The following LAMA3 variants were observed in gnomAD, a reference collection of about 807,000 sequenced individuals.
LAMA3 encodes the protein laminin subunit alpha-3.
In LAMA3, 281 loss-of-function variants were observed where a neutral mutation model predicts 402.0. The observed-to-expected ratio is 0.70, with a 90% CI of 0.63 to 0.77. The LOEUF is 0.77. Among genes scored for constraint, LAMA3 ranks in the 30% least tolerant of loss-of-function variants. The pLI is 0.00. For missense variants in LAMA3, 3,840 were observed against 4,215.5 expected (o/e 0.91, Z 2.47); for synonymous variants, 1,431 against 1,558.4 (o/e 0.92, Z 1.93).
At chr18:23,850,846 C>T (rs1226351616) in intron 32 of LAMA3, among the ~76,000 whole-genome samples, 1 of 152,108 alleles carries the variant, frequency 6.6e-6, no homozygotes, top group East Asian at 1.9e-4. Flanking sequence ...GCTGGAGATC[C>T]CTGGTAGTAA....
intron 39 of LAMA3, among the ~76,000 whole-genome samples, chr18:23,878,333 G>A (rs778274033): frequency 6.6e-6 from 1 of 152,110 alleles, no homozygotes; most frequent in Non-Finnish European, 1.5e-5. Context: ...TGTCCCTAAT[G>A]GCCATGTGGC....
At chr18:23,934,266 T>G (rs1025344413) in intron 67 of LAMA3, among the ~76,000 whole-genome samples, 4 of 152,208 alleles carry the variant, frequency 2.6e-5, no homozygotes, top group African/African-American at 9.7e-5. Flanking sequence ...ATAAGGGCCA[T>G]GCTCCTCTTC....
intron 35 of LAMA3, among the ~76,000 whole-genome samples, chr18:23,863,610 T>C (rs1194912684): frequency 6.6e-6 from 1 of 152,214 alleles, no homozygotes; most frequent in African/African-American, 2.4e-5. Context: ...ACTTCCAGGC[T>C]TGAAGATCAA....
intron 12 of LAMA3, among the ~76,000 whole-genome samples, chr18:23,787,965 A>G (rs985175262): frequency 1.3e-5 from 2 of 152,186 alleles, no homozygotes; most frequent in Non-Finnish European, 2.9e-5. Flanking sequence ...CGAACTGTAT[A>G]TACAAATACA....
At chr18:23,815,907 T>G (rs2063166636) in intron 17 of LAMA3, among the ~76,000 whole-genome samples, 1 of 152,168 alleles carries the variant, frequency 6.6e-6, no homozygotes, top group South Asian at 2.1e-4. Context: ...AGCATCAGAT[T>G]TTTAGAGACA....
chr18:23,757,410 A>C, intron 6 of LAMA3, among the ~76,000 whole-genome samples: 1 of 148,210 alleles, frequency 6.7e-6, no homozygotes, highest in South Asian at 2.1e-4. Context: ...CCGGATTCCC[A>C]CCTCTAACCC....
intron 32 of LAMA3, among the ~76,000 whole-genome samples, chr18:23,850,103 G>A (rs1292144833): frequency 6.6e-6 from 1 of 152,166 alleles, no homozygotes; most frequent in East Asian, 1.9e-4. Flanking sequence ...TAAAGCTCAT[G>A]TAAAAGAAAT....
intron 2 of LAMA3, among the ~76,000 whole-genome samples, chr18:23,736,085 A>G (rs1360044785): frequency 6.6e-6 from 1 of 151,920 alleles, no homozygotes; most frequent in Non-Finnish European, 1.5e-5. Context: ...CTTTATACAG[A>G]CAAGTGTAGT....
chr18:23,878,561 C>T lies in LAMA3; in HGVS notation c.5112+2154C>T, dbSNP rs1020356455. ...CTCAGCTAACGGCTCCGTGGCAAGTCCTGAGTGCTGATGCTGCCCTGAATT... is the reference window on the plus strand; with the variant it reads ...CTCAGCTAACGGCTCCGTGGCAAGTTCTGAGTGCTGATGCTGCCCTGAATT... On this transcript the variant is annotated intron_variant, in intron 39 of 74. Transcript: ENST00000313654. 5.9e-5 allele frequency among the ~76,000 whole-genome samples: 9 copies of T among 152,204 alleles called. No homozygotes were observed. In the South Asian group the frequency reaches 1.9e-3, roughly 31 times the overall value.
chr18:23,834,269 T>G lies in LAMA3; in HGVS notation c.2984+281T>G, dbSNP rs116994411. The G allele has an allele frequency of 1.4e-3, 587 of 416,536 alleles. 1 individual carries two copies. The highest frequency in any genetic ancestry group is 2.1e-3 in the Non-Finnish European group (455 of 220,768). 25.8% of individuals were successfully genotyped at this position (416,536 alleles called of 1,614,324 possible). A position where few individuals can be genotyped will look rare whatever the true frequency, so the allele number is the denominator to read the frequency against. On this transcript the variant is annotated intron_variant, in intron 24 of 74. Transcript: ENST00000313654. Reference sequence around the variant, plus strand: ...GGCACAGCACAACCTTTTTATTTGATTCTCTATCACTCAGGTGCGATGCAA... The same window carrying G: ...GGCACAGCACAACCTTTTTATTTGAGTCTCTATCACTCAGGTGCGATGCAA...
intron 1 of LAMA3, among the ~76,000 whole-genome samples, chr18:23,713,237 A>G (rs1041111458): frequency 1.3e-5 from 2 of 152,182 alleles, no homozygotes; most frequent in African/African-American, 4.8e-5. Context: ...TTGTCTCTCA[A>G]TGCTTGCCCT....
In LAMA3 at chr18:23,815,488, C is replaced by T. The variant is rs1381763132; in HGVS notation, c.1962C>T (p.Cys654=). ...ECRQGDGDCH[C]KSHVGGDSCD... ...TGCAGGGAGATGGTGACTGTCACTG[C>T]AAGTCCCATGTGGGTGGCGATTCCT... The change falls in exon 17 of 75, where the codon TGC becomes TGT. Residue 654 remains cysteine, a synonymous_variant. Transcript: ENST00000313654. The T allele has an allele frequency of 2.5e-6, 4 of 1,613,944 alleles. No individual in the cohort carries two copies. The highest frequency in any genetic ancestry group is 3.4e-6 in the Non-Finnish European group (4 of 1,179,820).
chr18:23,692,492 G>C (rs1420495171), intron 1 of LAMA3, among the ~76,000 whole-genome samples: 4 of 152,050 alleles, frequency 2.6e-5, no homozygotes, highest in African/African-American at 9.7e-5. Flanking sequence ...GGCTGGTCTC[G>C]AACTACTGAC....
At chr18:23,722,109 C>A (rs1187158967) in intron 2 of LAMA3, among the ~76,000 whole-genome samples, 1 of 152,206 alleles carries the variant, frequency 6.6e-6, no homozygotes, top group Non-Finnish European at 1.5e-5. Context: ...TCCTGCAAGA[C>A]CTATGCTATG....
rs760876808 is a variant in LAMA3, at chr18:23,946,124, G to C, written c.9211-20G>C. 2 of 1,611,834 alleles carry C rather than the reference G, an allele frequency of 1.2e-6. No homozygotes were observed. Among genetic ancestry groups the C allele is most frequent in the Non-Finnish European group, 1.7e-6 (2 of 1,178,002 alleles). On this transcript the variant is annotated intron_variant, in intron 69 of 74. Coordinates refer to ENST00000313654, the MANE Select transcript of LAMA3 (RefSeq NM_198129.4). ...TGTCAAAGGTAAAAATACAACTCAC[G>C]TATCTTTCTTACTCTGAAGGTGGTG... is the stretch of plus-strand genomic sequence containing the variant.
At chr18:23,834,279 C>T (rs2063541615) in intron 24 of LAMA3, 7 of 396,362 alleles carry the variant, frequency 1.8e-5, no homozygotes, top group Non-Finnish European at 2.9e-5. Context: ...TTCTCTATCA[C>T]TCAGGTGCGA....
intron 2 of LAMA3, among the ~76,000 whole-genome samples, chr18:23,717,859 G>A (rs1001527185): frequency 6.6e-6 from 1 of 150,924 alleles, no homozygotes; most frequent in Admixed American, 6.6e-5. Context: ...ATGAGTCACC[G>A]TGCCTGGTCC....
intron 38 of LAMA3, among the ~76,000 whole-genome samples, chr18:23,874,816 GAT>G (rs773592878): frequency 6.6e-6 from 1 of 152,206 alleles, no homozygotes; most frequent in Non-Finnish European, 1.5e-5. Context: ...ATGCTTTCAA[GAT>G]AGGGTATATA....
At chr18:23,903,892 T>C (rs1334035278) in intron 49 of LAMA3, 41 bp from the exon 50 acceptor site, 1 of 1,527,982 alleles carries the variant, frequency 6.5e-7, no homozygotes, top group Non-Finnish European at 9.1e-7. Flanking sequence ...CTACATTCTT[T>C]CCTTGAATTT....
Sources: allele counts gnomAD v4.1 joint callset (sites outside exome capture counted in the v4.1 genomes callset), GRCh38; gene constraint gnomAD v4.1.1; transcripts MANE v1.5; gene names NCBI Gene and HGNC (gene_info 2026-07-23, HGNC 2026-07-21).